The following RAB24 variants were observed in gnomAD, a reference collection of about 807,000 sequenced individuals.
RAB24 encodes the protein ras-related protein Rab-24.
A neutral mutation model predicts 31.4 loss-of-function variants in RAB24; 9 were observed. The observed-to-expected ratio is 0.29, with a 90% CI of 0.17 to 0.50. RAB24 has a LOEUF of 0.50. RAB24 is among the 20% of genes least tolerant of loss of function. RAB24 has a pLI of 0.98. For missense variants in RAB24, 197 were observed against 265.2 expected (o/e 0.74, Z 1.79); for synonymous variants, 106 against 94.1 (o/e 1.13, Z -0.73).
rs760626750 is a variant in RAB24, at chr5:177,301,776, T to G, written c.579A>C (p.Pro193=). ...EDKGVDLGQK[P]NPYFYSCCHH is the part of the protein sequence containing the mutation. ...GACAACAGCTGTAGAAGTAGGGGTTTGGCTTCTGGCCCAGATCCACGCCCT... is the reference window on the plus strand; with the variant it reads ...GACAACAGCTGTAGAAGTAGGGGTTGGGCTTCTGGCCCAGATCCACGCCCT... Residue 193 remains proline, a synonymous_variant, in exon 8 of 8, where the codon CCA becomes CCC. Transcript: ENST00000303251. 14 of 1,614,230 alleles carry G rather than the reference T, an allele frequency of 8.7e-6. No individual in the cohort carries two copies. Among genetic ancestry groups the G allele is most frequent in the Non-Finnish European group, 1.1e-5 (13 of 1,180,032 alleles).
Position 177,301,595 on chromosome 5 carries a change from G to C in RAB24, c.*148C>G. ...CCACAGTCAGCCCAATGCTGTCTCC[G>C]TTCCATGGGCCAGCACAGGCAGGCG... On this transcript the variant is annotated 3_prime_UTR_variant, in exon 8 of 8. Transcript: ENST00000303251. The C allele has an allele frequency of 1.1e-6, 1 of 869,938 alleles. No homozygotes were observed. Among genetic ancestry groups the C allele is most frequent in the Admixed American group, 2.4e-5 (1 of 41,478 alleles). 53.9% of individuals were successfully genotyped at this position (869,938 alleles called of 1,614,324 possible).
Position 177,302,787 on chromosome 5 carries a change from T to C in RAB24, c.230A>G (p.Tyr77Cys). Reference protein sequence around the residue: ...SERYEAMSRIYYRGAKAAIVC... With the variant: ...SERYEAMSRICYRGAKAAIVC... Reference sequence around the variant, plus strand: ...GATGGCAGCCTTGGCACCCCGATAGTAGATTCTACTCATGGCCTCATAGCG... The same window carrying C: ...GATGGCAGCCTTGGCACCCCGATAGCAGATTCTACTCATGGCCTCATAGCG... Residue 77 changes from tyrosine to cysteine, a missense_variant, in exon 3 of 8, where the codon TAC (tyrosine) becomes TGC (cysteine). Coordinates refer to ENST00000303251, the MANE Select transcript of RAB24 (RefSeq NM_001031677.4). 2.1e-6 allele frequency: 3 copies of C among 1,447,970 alleles called. No individual in the cohort carries two copies. Among genetic ancestry groups the C allele is most frequent in the Non-Finnish European group, 2.8e-6 (3 of 1,082,194 alleles). The allele number at this position is 1,447,970 out of a possible 1,614,324, so 89.7% of individuals were successfully genotyped here.
In RAB24 at chr5:177,301,979, A is replaced by G; in HGVS notation, c.493T>C (p.Phe165Leu). ...SKTGQSVDELFQKVAEDYVSV... is the reference protein window; with the variant it reads ...SKTGQSVDELLQKVAEDYVSV... The stretch of plus-strand genomic sequence containing the variant: ...ACGTAATCCTCTGCCACTTTCTGGA[A>G]GAGCTCGTCTGGCAGGAAAAATGAT... The change falls in exon 7 of 8, where the codon TTC becomes CTC. Residue 165 changes from phenylalanine to leucine, a missense_variant. Phe to Leu is a conservative substitution (Grantham distance 22, BLOSUM62 0). This residue lies in a region of RAB24 where 148 missense variants were observed against 159.7 expected (regional missense o/e 0.93). Transcript: ENST00000303251. 1 of 1,614,204 alleles carries G rather than the reference A, an allele frequency of 6.2e-7. No individual in the cohort carries two copies. Among genetic ancestry groups the G allele is most frequent in the Non-Finnish European group, 8.5e-7 (1 of 1,180,002 alleles).
rs28419182 is a variant in RAB24, at chr5:177,301,399, G to A, written c.*344C>T. 0.78 allele frequency: 215,360 copies of A among 274,544 alleles called. 85,824 individuals are homozygous for A. Among genetic ancestry groups the A allele is most frequent in the African/African-American group, 0.91 (41,114 of 45,390 alleles). The allele number at this position is 274,544 out of a possible 1,614,324, so 17.0% of individuals were successfully genotyped here. A position where few individuals can be genotyped will look rare whatever the true frequency, so the allele number is the denominator to read the frequency against. ...AGTGAGGCCAGCCGGGTGGCCCCAG[G>A]AAGAACTAGGTGTCTTGACACCTAA... is the stretch of plus-strand genomic sequence containing the variant. On this transcript the variant is annotated 3_prime_UTR_variant, in exon 8 of 8. Transcript: ENST00000303251.
chr5:177,302,227 G>A (rs1158501923), intron 5 of RAB24, 49 bp from the exon 6 acceptor site: 2 of 1,604,204 alleles, frequency 1.2e-6, no homozygotes, highest in Admixed American at 1.7e-5. Flanking sequence ...TAGATAAACA[G>A]ACAAAAGGGA....
chr5:177,303,425 C>T lies in RAB24; in HGVS notation c.-137G>A. 2.6e-6 allele frequency: 2 copies of T among 757,546 alleles called. No homozygotes were observed. The highest frequency in any genetic ancestry group is 3.3e-5 in the South Asian group (2 of 61,258). 46.9% of individuals were successfully genotyped at this position (757,546 alleles called of 1,614,324 possible). On this transcript the variant is annotated 5_prime_UTR_variant, in exon 1 of 8. Coordinates refer to ENST00000303251, the MANE Select transcript of RAB24 (RefSeq NM_001031677.4). The surrounding 1 kb of genome is among the most constrained non-coding windows in gnomAD (Gnocchi z 6.1). ...CGCCAACCTACGACTCCAGACAGCG[C>T]GTCGGGCTCGAGCTCTGGCCGTGGC...
Position 177,303,250 on chromosome 5 carries a change from C to T in RAB24, c.39G>A (p.Leu13=), listed in dbSNP as rs147834789. The change falls in exon 1 of 8, where the codon CTG becomes CTA. Residue 13 remains leucine (L), a synonymous_variant. Coordinates refer to ENST00000303251, the MANE Select transcript of RAB24 (RefSeq NM_001031677.4). The surrounding 1 kb of genome is among the most constrained non-coding windows in gnomAD (Gnocchi z 6.1). ...GQRVDVKVVM[L]GKEYVGKTSL... ...TAGTCTTGCCCACGTACTCCTTGCC[C>T]AGCATCACCACCTTGACGTCCACGC... is the stretch of plus-strand genomic sequence containing the variant. 3.7e-6 allele frequency: 6 copies of T among 1,613,724 alleles called. No homozygotes were observed. The African/African-American group carries it at 8.0e-5, about 22-fold the overall frequency.
At position 177,301,974 on chromosome 5, in the gene RAB24, C is replaced by G. The variant is rs1760675968; in HGVS notation, c.498G>C (p.Gln166His). 2 of 1,614,110 alleles carry G rather than the reference C, an allele frequency of 1.2e-6. No individual in the cohort carries two copies. The highest frequency in any genetic ancestry group is 1.7e-5 in the Admixed American group (1 of 60,010). The change falls in exon 7 of 8, where the codon CAG (glutamine) becomes CAC (histidine). Residue 166 changes from glutamine (Q) to histidine (H), a missense_variant. Gln to His is a conservative substitution (Grantham distance 24, BLOSUM62 0). Transcript: ENST00000303251. ...KTGQSVDELF[Q>H]KVAEDYVSVA... ...CACTGACGTAATCCTCTGCCACTTT[C>G]TGGAAGAGCTCGTCTGGCAGGAAAA...
intron 2 of RAB24, 60 bp downstream of exon 2, chr5:177,302,949 G>T (rs1760731055): frequency 6.3e-7 from 1 of 1,596,072 alleles, no homozygotes; most frequent in South Asian, 1.1e-5. Context: ...ACCAGTAATA[G>T]GCAGGACCTA....
intron 2 of RAB24, 35 bp downstream of exon 2, chr5:177,302,969 AGGAAT>A: frequency 6.2e-7 from 1 of 1,607,430 alleles, no homozygotes; most frequent in Non-Finnish European, 8.5e-7. Flanking sequence ...ACACCTCCTC[AGGAAT>A]GAGTCTCCCA....
chr5:177,302,610 C>G lies in RAB24; in HGVS notation c.300G>C (p.Lys100Asn). ...LTDSSSFERA[K>N]FWVKELRSLE... ...GGCTGCGCAGTTCCTTCACCCAGAACTTTGCTCGCTCAAAGCTGCTGCTGT... is the reference window on the plus strand; with the variant it reads ...GGCTGCGCAGTTCCTTCACCCAGAAGTTTGCTCGCTCAAAGCTGCTGCTGT... The change falls in exon 4 of 8, where the codon AAG (lysine) becomes AAC (asparagine). Residue 100 changes from lysine to asparagine, a missense_variant. Transcript: ENST00000303251. The G allele has an allele frequency of 6.2e-7, 1 of 1,614,202 alleles. No individual in the cohort carries two copies. The highest frequency in any genetic ancestry group is 1.1e-5 in the South Asian group (1 of 91,084).
At chr5:177,302,672 C>T (rs542868049) in intron 3 of RAB24, 28 bp from the exon 4 acceptor site, 2 of 1,614,002 alleles carry the variant, frequency 1.2e-6, no homozygotes, top group South Asian at 1.1e-5. Context: ...AGGAGACAAC[C>T]AAGTGGTCAA....
Position 177,302,508 on chromosome 5 carries a change from G to A in RAB24, c.334-12C>T, listed in dbSNP as rs1179194607. ...TAGATTTGGCAGCCCTGAGGCAGAA[G>A]ACAAGGGTCACCTCCACAGGCCAAC... is the stretch of plus-strand genomic sequence containing the variant. On this transcript the variant is annotated splice_polypyrimidine_tract_variant and intron_variant, in intron 4 of 7. Coordinates refer to ENST00000303251, the MANE Select transcript of RAB24 (RefSeq NM_001031677.4). 9 of 1,614,032 alleles carry A rather than the reference G, an allele frequency of 5.6e-6. No individual in the cohort carries two copies. Among genetic ancestry groups the A allele is most frequent in the Non-Finnish European group, 6.8e-6 (8 of 1,179,998 alleles).
In RAB24 at chr5:177,301,668, C is replaced by T; in HGVS notation, c.*75G>A. The T allele has an allele frequency of 6.4e-7, 1 of 1,557,236 alleles. No individual in the cohort carries two copies. Among genetic ancestry groups the T allele is most frequent in the South Asian group, 1.1e-5 (1 of 89,476 alleles). ...TGGGGTAGCTCAGACATTTGACTAC[C>T]CAAGCCCAGAAAGGAGCTGGGTCCA... On this transcript the variant is annotated 3_prime_UTR_variant, in exon 8 of 8. Transcript: ENST00000303251.
In RAB24 at chr5:177,302,467, CTT is replaced by C. The variant is rs772366500; in HGVS notation, c.361_362del (p.Lys121GlufsTer2). 1 of 1,613,966 alleles carries C rather than the reference CTT, an allele frequency of 6.2e-7. No individual in the cohort carries two copies. The highest frequency in any genetic ancestry group is 1.3e-5 in the African/African-American group (1 of 75,050). ...EGCQIYLCGT[K>X]SDLLEEDRRR... is the part of the protein sequence containing the mutation. ...TCCGGTCTTCTTCCAGCAGGTCACT[CTT>C]GGTGCCACATAAGTAGATTTGGCAG... On this transcript the variant is annotated frameshift_variant, in exon 5 of 8. Coordinates refer to ENST00000303251, the MANE Select transcript of RAB24 (RefSeq NM_001031677.4). LOFTEE classifies it high-confidence loss of function.
rs1261947371 is a variant in RAB24, at chr5:177,302,540, C to T, written c.333+37G>A. The T allele has an allele frequency of 5.0e-6, 8 of 1,613,972 alleles. No individual in the cohort carries two copies. In the Admixed American group the frequency reaches 1.2e-4, roughly 24 times the overall value. On this transcript the variant is annotated intron_variant, in intron 4 of 7. Coordinates refer to ENST00000303251, the MANE Select transcript of RAB24 (RefSeq NM_001031677.4). ...GTCACCTCCACAGGCCAACAAAACC[C>T]CAGCCCCTAGTGTTCTAGTGAGGTC...
intron 5 of RAB24, 32 bp downstream of exon 5, chr5:177,302,365 C>A (rs1382891744): frequency 6.2e-7 from 1 of 1,608,940 alleles, no homozygotes; most frequent in South Asian, 1.1e-5. Context: ...AGCCACACAC[C>A]CCCACCCCCC....
Position 177,302,610 on chromosome 5 carries a change from C to A in RAB24, c.300G>T (p.Lys100Asn). ...GGCTGCGCAGTTCCTTCACCCAGAA[C>A]TTTGCTCGCTCAAAGCTGCTGCTGT... ...LTDSSSFERA[K>N]FWVKELRSLE... Residue 100 changes from lysine to asparagine, a missense_variant, in exon 4 of 8, where the codon AAG (lysine) becomes AAT (asparagine). This residue lies in a region of RAB24 where 148 missense variants were observed against 159.7 expected (regional missense o/e 0.93). Transcript: ENST00000303251. 1 of 1,614,202 alleles carries A rather than the reference C, an allele frequency of 6.2e-7. No homozygotes were observed. Among genetic ancestry groups the A allele is most frequent in the Non-Finnish European group, 8.5e-7 (1 of 1,180,046 alleles).
At position 177,301,586 on chromosome 5, in the gene RAB24, G is replaced by A. The variant is rs1402974078; in HGVS notation, c.*157C>T. 8.8e-6 allele frequency: 7 copies of A among 795,924 alleles called. No homozygotes were observed. The highest frequency in any genetic ancestry group is 1.7e-5 in the South Asian group (1 of 58,814). 49.3% of individuals were successfully genotyped at this position (795,924 alleles called of 1,614,324 possible). A position where few individuals can be genotyped will look rare whatever the true frequency, so the allele number is the denominator to read the frequency against. On this transcript the variant is annotated 3_prime_UTR_variant, in exon 8 of 8. Transcript: ENST00000303251. ...TCCTCATGCCCACAGTCAGCCCAAT[G>A]CTGTCTCCGTTCCATGGGCCAGCAC...
Sources: allele counts gnomAD v4.1 joint callset, GRCh38; gene constraint gnomAD v4.1.1; regional missense constraint gnomAD v4.1.1; non-coding constraint Gnocchi (gnomAD v3.1); transcripts MANE v1.5; gene names NCBI Gene and HGNC (gene_info 2026-07-23, HGNC 2026-07-21).